The following MARK3 variants were observed in gnomAD, a reference collection of about 807,000 sequenced individuals.
MARK3 encodes the protein MAP/microtubule affinity-regulating kinase 3.
MARK3 carries 46 observed loss-of-function variants against 90.1 expected under a neutral mutation model. The ratio of observed to expected loss-of-function variants is 0.51; its 90% CI spans 0.40 to 0.65. The LOEUF (loss-of-function observed/expected upper bound fraction) is 0.65. Among genes scored for constraint, MARK3 ranks in the 30% least tolerant of loss-of-function variants. The probability of loss-of-function intolerance (pLI) is 0.00; values close to 1 mark genes in which losing one functional copy is unlikely to be tolerated. For missense variants in MARK3, 818 were observed against 947.2 expected (o/e 0.86, Z 1.79); for synonymous variants, 321 against 332.6 (o/e 0.97, Z 0.38).
In MARK3 at chr14:103,491,992, C is replaced by G; in HGVS notation, c.1802C>G (p.Ser601Cys). Residue 601 changes from serine to cysteine, a missense_variant, in exon 15 of 18, where the codon TCC becomes TGC. Around this residue, in one of 3 missense-constraint regions of MARK3, gnomAD observed 560 missense variants for 613.5 expected, o/e 0.91. Coordinates refer to ENST00000429436, the MANE Select transcript of MARK3 (RefSeq NM_001128918.3). Reference protein sequence around the residue: ...TPLSQTRSRGSTNLFSKLTSK... With the variant: ...TPLSQTRSRGCTNLFSKLTSK... ...TTGTCCCAGACTCGAAGCCGAGGCT[C>G]CACTAATCTCTTTAGTAAATTAACT... 1 of 1,614,168 alleles carries G rather than the reference C, an allele frequency of 6.2e-7. No individual in the cohort carries two copies. Among genetic ancestry groups the G allele is most frequent in the Non-Finnish European group, 8.5e-7 (1 of 1,180,034 alleles).
chr14:103,400,955 G>GTA (rs1205774129), intron 1 of MARK3, among the ~76,000 whole-genome samples: 3 of 146,580 alleles, frequency 2.0e-5, no homozygotes, highest in Admixed American at 2.0e-4. Context: ...GTGTGTGTGT[G>GTA]TGTGTGTGTG....
chr14:103,452,048 T>C, intron 5 of MARK3, 65 bp downstream of exon 5: 1 of 1,054,756 alleles, frequency 9.5e-7, no homozygotes, highest in Admixed American at 1.8e-5. Context: ...TACACAACCA[T>C]ACTGCCCATA....
In MARK3 at chr14:103,465,648, C is replaced by T. The variant is rs910719241; in HGVS notation, c.632C>T (p.Thr211Met). Residue 211 changes from threonine (T) to methionine (M), a missense_variant, in exon 8 of 18, where the codon ACG becomes ATG. Physicochemically the swap from Thr to Met is moderately conservative, Grantham distance 81. Coordinates refer to ENST00000429436, the MANE Select transcript of MARK3 (RefSeq NM_001128918.3). ...NEFTVGGKLD[T>M]FCGSPPYAAP... ...TTTACTGTTGGCGGTAAACTCGACA[C>T]GTTTTGTGGCAGTCCTCCATACGCA... 1.2e-6 allele frequency: 2 copies of T among 1,613,968 alleles called. No individual in the cohort carries two copies. Among genetic ancestry groups the T allele is most frequent in the Non-Finnish European group, 1.7e-6 (2 of 1,180,026 alleles).
At chr14:103,462,055 T>C (rs1194849462) in intron 6 of MARK3, among the ~76,000 whole-genome samples, 1 of 142,198 alleles carries the variant, frequency 7.0e-6, no homozygotes, top group Non-Finnish European at 1.5e-5. Context: ...AAAAAAAAAG[T>C]TGCACCAGAG....
intron 5 of MARK3, among the ~76,000 whole-genome samples, chr14:103,452,812 T>C (rs370849660): frequency 1.3e-5 from 2 of 152,322 alleles, no homozygotes; most frequent in East Asian, 1.9e-4. Flanking sequence ...TGCAGCATAG[T>C]GTCCTCAAGG....
chr14:103,492,361 G>A (rs923478267), intron 15 of MARK3, among the ~76,000 whole-genome samples: 6 of 152,070 alleles, frequency 3.9e-5, no homozygotes, highest in African/African-American at 1.4e-4. Flanking sequence ...CTGGTGTGGG[G>A]TGGGGGGCTG....
Position 103,428,453 on chromosome 14 carries a change from C to A in MARK3, c.297+13C>A. 3 of 1,482,880 alleles carry A rather than the reference C, an allele frequency of 2.0e-6. No individual in the cohort carries two copies. Among genetic ancestry groups the A allele is most frequent in the South Asian group, 2.5e-5 (2 of 78,720 alleles). The allele number at this position is 1,482,880 out of a possible 1,614,324, so 91.9% of individuals were successfully genotyped here. A position where few individuals can be genotyped will look rare whatever the true frequency, so the allele number is the denominator to read the frequency against. On this transcript the variant is annotated intron_variant, in intron 3 of 17. Coordinates refer to ENST00000429436, the MANE Select transcript of MARK3 (RefSeq NM_001128918.3). ...AAGTCTACAAAAGGTAAGATTGGTT[C>A]AATGTCTAGTACTTTTTAAAAAATT... is the stretch of plus-strand genomic sequence containing the variant.
intron 15 of MARK3, among the ~76,000 whole-genome samples, chr14:103,493,734 G>C (rs2075146130): frequency 6.6e-6 from 1 of 151,620 alleles, no homozygotes; most frequent in Admixed American, 6.6e-5. Flanking sequence ...AATTAGCCAG[G>C]CATGGTGGTG....
chr14:103,460,071 A>ATTTTTTTTTTTTTT (rs1566882596), intron 6 of MARK3, among the ~76,000 whole-genome samples: 5 of 45,574 alleles, frequency 1.1e-4, no homozygotes, highest in Admixed American at 3.3e-4. Flanking sequence ...TTCCAGCTCC[A>ATTTTTTTTTTTTTT]TCTTTTTTTT....
At chr14:103,453,547 A>G (rs967861603) in intron 5 of MARK3, among the ~76,000 whole-genome samples, 5 of 152,174 alleles carry the variant, frequency 3.3e-5, no homozygotes, top group African/African-American at 9.7e-5. Flanking sequence ...CTTTGACACC[A>G]CTTTTTTATA....
intron 2 of MARK3, among the ~76,000 whole-genome samples, chr14:103,417,794 C>T (rs760022700): frequency 3.9e-5 from 6 of 152,022 alleles, no homozygotes; most frequent in South Asian, 2.1e-4. Context: ...GGGCCGGGCA[C>T]GGTGACTCAT....
chr14:103,399,739 G>A (rs1272717242), intron 1 of MARK3, among the ~76,000 whole-genome samples: 1 of 151,346 alleles, frequency 6.6e-6, no homozygotes, highest in Non-Finnish European at 1.5e-5. Flanking sequence ...AAAGGAATTT[G>A]GAGGTATGCA....
chr14:103,386,477 A>G (rs1252666301), intron 1 of MARK3: 2 of 491,484 alleles, frequency 4.1e-6, no homozygotes, highest in Non-Finnish European at 7.9e-6. Context: ...AGACTGTCAC[A>G]TTAATAACAT....
intron 15 of MARK3, among the ~76,000 whole-genome samples, chr14:103,496,188 C>A (rs1205784259): frequency 3.3e-5 from 5 of 152,218 alleles, no homozygotes; most frequent in Non-Finnish European, 4.4e-5. Flanking sequence ...CCTCCTGCAG[C>A]TGCCTCCTTC....
chr14:103,442,244 CCTGT>C (rs1422220475), intron 3 of MARK3, among the ~76,000 whole-genome samples: 1 of 152,000 alleles, frequency 6.6e-6, no homozygotes, highest in East Asian at 1.9e-4. Flanking sequence ...GTGGCGGGTG[CCTGT>C]AGTCCTAGCT....
intron 15 of MARK3, 21 bp downstream of exon 15, chr14:103,492,055 G>A: frequency 1.2e-6 from 2 of 1,611,012 alleles, no homozygotes; most frequent in East Asian, 2.2e-5. Flanking sequence ...GGTGCTGGTT[G>A]TTTTGGAGTG....
chr14:103,499,876 A>AGCAGTGTGTGCG, intron 16 of MARK3: 2 of 430,660 alleles, frequency 4.6e-6, no homozygotes, highest in Admixed American at 4.1e-5. Context: ...CGGTGTGTGC[A>AGCAGTGTGTGCG]GTGTGCAGCG....
chr14:103,389,528 C>CAAAAAAAAAAAAAAAAAAAAAAAAAAAAA (rs67737305), intron 1 of MARK3, among the ~76,000 whole-genome samples: 1 of 49,864 alleles, frequency 2.0e-5, no homozygotes, highest in African/African-American at 8.3e-5. Context: ...ACTCTGTCTC[C>CAAAAAAAAAAAAAAAAAAAAAAAAAAAAA]AAAAAAAAAA....
At chr14:103,445,797 T>C (rs1225433778) in intron 3 of MARK3, among the ~76,000 whole-genome samples, 1 of 152,246 alleles carries the variant, frequency 6.6e-6, no homozygotes, top group Non-Finnish European at 1.5e-5. Context: ...GCTGTACTGT[T>C]AGTAGAGACT....
Sources: gnomAD v4.1 joint callset for allele counts (sites outside exome capture counted in the v4.1 genomes callset) on GRCh38, gnomAD v4.1.1 for gene constraint, gnomAD v4.1.1 regional missense constraint, MANE v1.5 for transcripts, NCBI Gene and HGNC (gene_info 2026-07-23, HGNC 2026-07-21) for gene names.